Variants in COX10 observed in about 807,000 individuals in gnomAD.
COX10 encodes the protein cytochrome c oxidase assembly factor heme A:farnesyltransferase COX10, also known as protoheme IX farnesyltransferase, mitochondrial.
In COX10, 27 loss-of-function variants were observed where a neutral mutation model predicts 37.3. The ratio of observed to expected loss-of-function variants is 0.72; its 90% confidence interval spans 0.53 to 1.00. The LOEUF is 1.00. COX10 is among the 50% of genes least tolerant of loss of function. COX10 has a pLI of 0.00. For synonymous variants in COX10, 222 were observed against 229.1 expected (o/e 0.97, Z 0.28); for missense variants, 475 against 563.2 (o/e 0.84, Z 1.59).
intron 6 of COX10, among the ~76,000 whole-genome samples, chr17:14,204,695 C>T (rs190707376): frequency 9.2e-5 from 14 of 152,168 alleles, no homozygotes; most frequent in African/African-American, 3.4e-4. Flanking sequence ...CCTCCCCTCA[C>T]CCCCTACACA....
intron 4 of COX10, among the ~76,000 whole-genome samples, chr17:14,133,623 T>A (rs900536652): frequency 6.6e-6 from 1 of 151,648 alleles, no homozygotes; most frequent in Admixed American, 6.6e-5. Context: ...TTAAAATGCC[T>A]GCCATCACTA....
intron 6 of COX10, among the ~76,000 whole-genome samples, chr17:14,202,596 A>G (rs555789081): frequency 6.6e-6 from 1 of 152,170 alleles, no homozygotes; most frequent in Non-Finnish European, 1.5e-5. Context: ...TAAAAGCCAC[A>G]GGCATTTCAA....
At chr17:14,073,117 A>G (rs1915064874) in intron 1 of COX10, among the ~76,000 whole-genome samples, 1 of 152,288 alleles carries the variant, frequency 6.6e-6, no homozygotes, top group East Asian at 1.9e-4. Context: ...AGTAATATGT[A>G]TTTAGTAATA....
chr17:14,161,457 G>A (rs1905169056), intron 5 of COX10, among the ~76,000 whole-genome samples: 1 of 152,180 alleles, frequency 6.6e-6, no homozygotes, highest in African/African-American at 2.4e-5. Context: ...GGGTGAACTT[G>A]TGGACTTAAT....
intron 4 of COX10, among the ~76,000 whole-genome samples, chr17:14,146,380 A>G (rs1470379870): frequency 6.6e-6 from 1 of 152,164 alleles, no homozygotes; most frequent in Non-Finnish European, 1.5e-5. Context: ...AAAGGTGCCA[A>G]GAACATACAC....
intron 3 of COX10, among the ~76,000 whole-genome samples, chr17:14,080,012 A>C (rs1915251011): frequency 1.3e-5 from 2 of 152,104 alleles, no homozygotes; most frequent in Non-Finnish European, 2.9e-5. Flanking sequence ...AACATTTGTG[A>C]TATTTCCAGA....
intron 6 of COX10, among the ~76,000 whole-genome samples, chr17:14,195,134 A>G (rs764825454): frequency 1.3e-5 from 2 of 152,256 alleles, no homozygotes; most frequent in African/African-American, 2.4e-5. Context: ...ACTAGTTTAC[A>G]TAATGCTTTA....
intron 4 of COX10, among the ~76,000 whole-genome samples, chr17:14,154,178 T>G (rs1172314842): frequency 3.9e-5 from 6 of 152,204 alleles, no homozygotes; most frequent in African/African-American, 1.4e-4. Context: ...TTGGGGTGAT[T>G]TGAATATGTT....
intron 5 of COX10, among the ~76,000 whole-genome samples, chr17:14,164,254 G>A (rs1040377722): frequency 7.9e-5 from 12 of 152,152 alleles, no homozygotes; most frequent in East Asian, 3.8e-4. Flanking sequence ...CAGTTATACC[G>A]CTGGCTGCAC....
At chr17:14,196,544 A>G (rs1248380795) in intron 6 of COX10, among the ~76,000 whole-genome samples, 1 of 152,152 alleles carries the variant, frequency 6.6e-6, no homozygotes, top group Non-Finnish European at 1.5e-5. Context: ...CCTGCAGAGG[A>G]AGTCATAGTT....
intron 4 of COX10, among the ~76,000 whole-genome samples, chr17:14,141,755 A>G (rs2142226384): frequency 6.6e-6 from 1 of 152,120 alleles, no homozygotes; most frequent in African/African-American, 2.4e-5. Flanking sequence ...GAGTCCATTT[A>G]CCTTTTCATT....
Position 14,191,990 on chromosome 17 carries a change from C to T in COX10, c.697C>T (p.Pro233Ser). Residue 233 changes from proline to serine, a missense_variant and splice_region_variant, in exon 6 of 7, where the codon CCA becomes TCA. Physicochemically the swap from Pro to Ser is moderately conservative, Grantham distance 74 (BLOSUM62 -1). Coordinates refer to ENST00000261643, the MANE Select transcript of COX10 (RefSeq NM_001303.4). ...CCAGGTTCTCTGCTCTTTTTCCAGC[C>T]CATTGCTAGCTGTGTCCTTTGCCAC... ...NRPLVRGQISPLLAVSFATCC... is the reference protein window; with the variant it reads ...NRPLVRGQISSLLAVSFATCC... 1 of 1,613,916 alleles carries T rather than the reference C, an allele frequency of 6.2e-7. No homozygotes were observed. Among genetic ancestry groups the T allele is most frequent in the East Asian group, 2.2e-5 (1 of 44,878 alleles).
At position 14,206,945 on chromosome 17, in the gene COX10, G is replaced by T; in HGVS notation, c.1064G>T (p.Arg355Leu). 1 of 1,613,734 alleles carries T rather than the reference G, an allele frequency of 6.2e-7. No homozygotes were observed. The highest frequency in any genetic ancestry group is 1.6e-4 in the Middle Eastern group (1 of 6,062). The change falls in exon 7 of 7, where the codon CGC becomes CTC. Residue 355 changes from arginine to leucine, a missense_variant. Physicochemically the swap from Arg to Leu is moderately radical, Grantham distance 102 (BLOSUM62 -2). Coordinates refer to ENST00000261643, the MANE Select transcript of COX10 (RefSeq NM_001303.4). ...GTCACCCACCCGGGCCTGTGCCGGC[G>T]CGTGGCGCTGCGCCACTGCCTGGCC... The part of the protein sequence containing the change: ...MSVTHPGLCR[R>L]VALRHCLALL...
intron 6 of COX10, among the ~76,000 whole-genome samples, chr17:14,204,448 T>C (rs992668690): frequency 1.3e-5 from 2 of 151,948 alleles, no homozygotes; most frequent in African/African-American, 2.4e-5. Flanking sequence ...GGACTTGCTA[T>C]TGATACCTCC....
At chr17:14,194,595 T>C (rs1316504804) in intron 6 of COX10, among the ~76,000 whole-genome samples, 1 of 152,080 alleles carries the variant, frequency 6.6e-6, no homozygotes, top group Non-Finnish European at 1.5e-5. Context: ...CCCAGCTAAT[T>C]TTTATATTTT....
chr17:14,134,632 G>A (rs1916537638), intron 4 of COX10, among the ~76,000 whole-genome samples: 5 of 151,814 alleles, frequency 3.3e-5, no homozygotes, highest in Admixed American at 3.3e-4. Context: ...TATGTGTGGT[G>A]TAACACACTC....
In COX10 at chr17:14,207,070, T is replaced by C; in HGVS notation, c.1189T>C (p.Phe397Leu). Residue 397 changes from phenylalanine to leucine, a missense_variant, in exon 7 of 7, where the codon TTC becomes CTC. By Grantham distance (22) the Phe-to-Leu change is conservative (BLOSUM62 0). Coordinates refer to ENST00000261643, the MANE Select transcript of COX10 (RefSeq NM_001303.4). The stretch of plus-strand genomic sequence containing the variant: ...CAATGCGTACATCTCCTACCTCGGC[T>C]TCCGCTTCTACGTGGACGCAGACCG... ...PINAYISYLGFRFYVDADRRS... is the reference protein window; with the variant it reads ...PINAYISYLGLRFYVDADRRS... 1 of 1,614,092 alleles carries C rather than the reference T, an allele frequency of 6.2e-7. No individual in the cohort carries two copies. Among genetic ancestry groups the C allele is most frequent in the East Asian group, 2.2e-5 (1 of 44,854 alleles).
intron 4 of COX10, among the ~76,000 whole-genome samples, chr17:14,108,848 T>C (rs1366753521): frequency 6.6e-6 from 1 of 152,166 alleles, no homozygotes. Context: ...TTTTCTCTGA[T>C]GTTTCTTGTG....
chr17:14,137,040 T>G (rs1904393427), intron 4 of COX10, among the ~76,000 whole-genome samples: 1 of 151,886 alleles, frequency 6.6e-6, no homozygotes, highest in African/African-American at 2.4e-5. Context: ...AAAGATGTTT[T>G]TAGGTGGTGT....
Sources: allele counts gnomAD v4.1 joint callset (sites outside exome capture counted in the v4.1 genomes callset), GRCh38; gene constraint gnomAD v4.1.1; transcripts MANE v1.5; gene names NCBI Gene and HGNC (gene_info 2026-07-23, HGNC 2026-07-21).